The following RP1 variants were observed in gnomAD, a reference collection of about 807,000 sequenced individuals.
RP1 encodes the protein oxygen-regulated protein 1.
A neutral mutation model predicts 14.8 loss-of-function variants in RP1; 16 were observed. The ratio of observed to expected loss-of-function variants is 1.08; its 90% CI spans 0.73 to 1.65. RP1 has a LOEUF of 1.65. Ranked by LOEUF, RP1 falls within the 40% of genes most tolerant of loss-of-function variation. The pLI is 0.00. For missense variants in RP1, 2,631 were observed against 2,535.0 expected (o/e 1.04, Z -0.81); for synonymous variants, 876 against 883.6 (o/e 0.99, Z 0.15).
chr8:54,602,059 A>C (rs1402793062), intron 1 of RP1, among the ~76,000 whole-genome samples: 1 of 152,192 alleles, frequency 6.6e-6, no homozygotes, highest in East Asian at 1.9e-4. Flanking sequence ...ATTATGCTTT[A>C]AGTTTTAGGG....
chr8:54,713,868 T>C (rs1483418943), intron 15 of RP1, among the ~76,000 whole-genome samples: 1 of 152,230 alleles, frequency 6.6e-6, no homozygotes, highest in Non-Finnish European at 1.5e-5. Context: ...TTCTAAAAAA[T>C]GGTCTTACAT....
At chr8:54,801,740 T>C (rs1165653193) in intron 24 of RP1, among the ~76,000 whole-genome samples, 1 of 152,170 alleles carries the variant, frequency 6.6e-6, no homozygotes, top group Non-Finnish European at 1.5e-5. Flanking sequence ...TTGTTGGAAA[T>C]TTCTAGGTGC....
intron 19 of RP1, among the ~76,000 whole-genome samples, chr8:54,739,454 G>T (rs1347598812): frequency 6.6e-6 from 1 of 152,010 alleles, no homozygotes; most frequent in Non-Finnish European, 1.5e-5. Flanking sequence ...AATTTTTGTG[G>T]ACATAACACT....
Position 54,626,732 on chromosome 8 carries a change from T to C in RP1, c.2850T>C (p.Asn950=). 6.2e-7 allele frequency: 1 copy of C among 1,613,988 alleles called. No individual in the cohort carries two copies. The highest frequency in any genetic ancestry group is 1.1e-5 in the South Asian group (1 of 91,074). ...NETSVVNCSN[N]SFSGNDPHTN... Reference sequence around the variant, plus strand: ...CGAGTGTGGTAAATTGTAGCAATAATAGTTTTTCAGGGAATGATCCCCATA... The same window carrying C: ...CGAGTGTGGTAAATTGTAGCAATAACAGTTTTTCAGGGAATGATCCCCATA... The change falls in exon 4 of 4, where the codon AAT becomes AAC. Residue 950 remains asparagine, a synonymous_variant. Coordinates refer to ENST00000220676, the MANE Select transcript of RP1 (RefSeq NM_006269.2).
chr8:54,740,431 A>T (rs936020505), intron 19 of RP1, among the ~76,000 whole-genome samples: 7 of 131,360 alleles, frequency 5.3e-5, no homozygotes, highest in Admixed American at 4.4e-4. Context: ...AAAAAAAAAA[A>T]TTAAGTAGAG....
Position 54,670,669 on chromosome 8 carries a change from TTTTATATATATA to T in RP1, c.1324-3179_1324-3168del, listed in dbSNP as rs1490600711. 7.8e-3 allele frequency among the ~76,000 whole-genome samples: 497 copies of T among 63,542 alleles called. 15 individuals are homozygous for T. The highest frequency in any genetic ancestry group is 0.037 in the African/African-American group (443 of 11,900). 41.7% of individuals were successfully genotyped at this position (63,542 alleles called of 152,430 possible). A position where few individuals can be genotyped will look rare whatever the true frequency, so the allele number is the denominator to read the frequency against. Reference sequence around the variant, plus strand: ...ATATATTTATGAATAATATATATGTTTTTATATATATATATATATATATATATATATATATAT... The same window carrying T: ...ATATATTTATGAATAATATATATGTTTATATATATATATATATATATATAT... On this transcript the variant is annotated intron_variant, in intron 7 of 22. Coordinates refer to the RP1 transcript ENST00000636932.
At chr8:54,678,648 G>T in intron 9 of RP1, 14 of 793,796 alleles carry the variant, frequency 1.8e-5, no homozygotes, top group Admixed American at 5.7e-5. Flanking sequence ...GTCTTTGTTG[G>T]GTAACTTTTG....
At chr8:54,761,755 C>T (rs1206630539) in intron 22 of RP1, among the ~76,000 whole-genome samples, 2 of 152,106 alleles carry the variant, frequency 1.3e-5, no homozygotes, top group Non-Finnish European at 2.9e-5. Flanking sequence ...TAAATGGTAC[C>T]GAGTGCTCAT....
chr8:54,838,582 T>C (rs536770631), intron 25 of RP1, among the ~76,000 whole-genome samples: 4 of 152,318 alleles, frequency 2.6e-5, no homozygotes, highest in African/African-American at 9.6e-5. Flanking sequence ...TATATATGTA[T>C]GTGCGTGACT....
intron 28 of RP1, chr8:54,865,964 A>G: frequency 4.8e-6 from 4 of 828,840 alleles, no homozygotes; most frequent in African/African-American, 1.8e-5. Flanking sequence ...TCTTTGTCCA[A>G]TTTATTCCAC....
intron 1 of RP1, among the ~76,000 whole-genome samples, chr8:54,620,374 T>A (rs1360192381): frequency 2.0e-5 from 3 of 152,280 alleles, no homozygotes; most frequent in African/African-American, 7.2e-5. Flanking sequence ...AGTAACATGC[T>A]GTACAGATTT....
chr8:54,621,053 C>T lies in RP1; in HGVS notation c.87C>T (p.Leu29=), dbSNP rs1207515115. The T allele has an allele frequency of 1.2e-6, 2 of 1,614,200 alleles. No individual in the cohort carries two copies. The highest frequency in any genetic ancestry group is 2.2e-5 in the East Asian group (1 of 44,874). The stretch of plus-strand genomic sequence containing the variant: ...TTCCACCCCCTCGCCATTTGAGCCT[C>T]ACTCATCCTGTTGTGGCCAAGCGAA... ...GQVPPPRHLS[L]THPVVAKRIS... is the part of the protein sequence containing the mutation. The change falls in exon 2 of 4, where the codon CTC becomes CTT. Residue 29 remains leucine (L), a synonymous_variant. Coordinates refer to ENST00000220676, the MANE Select transcript of RP1 (RefSeq NM_006269.2).
chr8:54,834,645 AT>A lies in RP1; in HGVS notation c.3616-2804del, dbSNP rs752065601. Among the ~76,000 whole-genome samples, 106 of 151,694 alleles carry A rather than the reference AT, an allele frequency of 7.0e-4. 1 individual carries two copies. Among genetic ancestry groups the A allele is most frequent in the Admixed American group, 2.4e-3 (37 of 15,236 alleles). Reference sequence around the variant, plus strand: ...AGAAGAGTATCATTTTTCATGTTGTATAATATAACAAATTGTCTATGCTTTG... The same window carrying A: ...AGAAGAGTATCATTTTTCATGTTGTAAATATAACAAATTGTCTATGCTTTG... On this transcript the variant is annotated intron_variant, in intron 24 of 28. Transcript: ENST00000637698.
intron 24 of RP1, among the ~76,000 whole-genome samples, chr8:54,788,548 G>A (rs1024006237): frequency 1.3e-5 from 2 of 152,014 alleles, no homozygotes; most frequent in African/African-American, 4.8e-5. Flanking sequence ...AAGTTTAGGA[G>A]TGGCAGCACT....
At chr8:54,739,651 A>G (rs991702050) in intron 19 of RP1, among the ~76,000 whole-genome samples, 8 of 151,438 alleles carry the variant, frequency 5.3e-5, no homozygotes, top group African/African-American at 1.2e-4. Context: ...TCTTTTTTCT[A>G]TGAATCTCTT....
chr8:54,641,794 G>A (rs187843849), intron 3 of RP1, among the ~76,000 whole-genome samples: 2 of 152,314 alleles, frequency 1.3e-5, no homozygotes, highest in Non-Finnish European at 1.5e-5. Context: ...AACACATGTT[G>A]TCTGATTTAG....
At chr8:54,759,971 C>T (rs1585668576) in intron 22 of RP1, among the ~76,000 whole-genome samples, 1 of 151,980 alleles carries the variant, frequency 6.6e-6, no homozygotes, top group Non-Finnish European at 1.5e-5. Context: ...AAAGTACAGG[C>T]AAAATAGGGG....
At chr8:54,716,362 C>A (rs962797228) in intron 15 of RP1, among the ~76,000 whole-genome samples, 1 of 151,454 alleles carries the variant, frequency 6.6e-6, no homozygotes, top group African/African-American at 2.4e-5. Context: ...ATTATTTATT[C>A]TTTTTTTCTC....
rs562562711 is a variant in RP1 at position 54,697,542 on chromosome 8, C to T, written c.1718-1925C>T. On this transcript the variant is annotated intron_variant, in intron 12 of 22. Coordinates refer to the RP1 transcript ENST00000636932. The stretch of plus-strand genomic sequence containing the variant: ...TGCACTCCAGCCTGGGCAACAAAAG[C>T]GAAACTCCATCTCAAAAAAAGAAAA... Among the ~76,000 whole-genome samples the T allele has an allele frequency of 1.1e-4, 17 of 152,096 alleles. No homozygotes were observed. The South Asian group carries it at 1.5e-3, about 13-fold the overall frequency.
Sources: allele counts gnomAD v4.1 joint callset (sites outside exome capture counted in the v4.1 genomes callset), GRCh38; gene constraint gnomAD v4.1.1; transcripts MANE v1.5; gene names NCBI Gene and HGNC (gene_info 2026-07-23, HGNC 2026-07-21).